NFATC4: variants seen among roughly 807,000 people sequenced by gnomAD.
NFATC4 encodes the protein nuclear factor of activated T cells 4, also known as nuclear factor of activated T-cells, cytoplasmic 4.
A neutral mutation model predicts 73.4 loss-of-function variants in NFATC4; 25 were observed. The ratio of observed to expected loss-of-function variants is 0.34; its 90% CI spans 0.25 to 0.48. The LOEUF (loss-of-function observed/expected upper bound fraction) is 0.48, where lower values mean the gene tolerates loss of function less well. NFATC4 is among the 20% of genes least tolerant of loss of function. NFATC4 has a pLI of 0.99. For synonymous variants in NFATC4, 523 were observed against 510.3 expected (o/e 1.02, Z -0.34); for missense variants, 1,130 against 1,203.7 (o/e 0.94, Z 0.91).
intron 6 of NFATC4, 129 bp downstream of exon 6, chr14:24,374,595 G>C (rs976127928): frequency 3.5e-6 from 3 of 859,202 alleles, no homozygotes; most frequent in Non-Finnish European, 5.3e-6. Flanking sequence ...GGGACAGACA[G>C]ACTACCCTTT....
chr14:24,370,717 C>G, intron 2 of NFATC4, 123 bp downstream of exon 2: 6 of 1,341,110 alleles, frequency 4.5e-6, no homozygotes, highest in Non-Finnish European at 6.0e-6. Context: ...GTATCTGCAA[C>G]CAGCTCAGCA....
Position 24,368,231 on chromosome 14 carries a change from G to A in NFATC4, c.-110G>A. The A allele has an allele frequency of 1.5e-6, 2 of 1,323,086 alleles. No individual in the cohort carries two copies. The highest frequency in any genetic ancestry group is 1.9e-6 in the Non-Finnish European group (2 of 1,033,300). 82.0% of individuals were successfully genotyped at this position (1,323,086 alleles called of 1,614,324 possible). ...GGAGGGAGGCGGCAGCGACGGAGGA[G>A]GGGGCTTCTCAGAGAAAGGGAGGGA... On this transcript the variant is annotated 5_prime_UTR_variant, in exon 1 of 10. Transcript: ENST00000250373.
intron 6 of NFATC4, chr14:24,374,856 G>C (rs1381800467): frequency 1.2e-5 from 2 of 162,076 alleles, no homozygotes; most frequent in South Asian, 3.6e-4. Flanking sequence ...CCAAGATGGA[G>C]CTACAGGAGT....
chr14:24,367,155 T>C, upstream of NFATC4: 1 of 1,612,796 alleles, frequency 6.2e-7, no homozygotes, highest in African/African-American at 1.3e-5. Flanking sequence ...AACCCAGGCC[T>C]CTCCAAGCCT....
rs2042528055 is a variant in NFATC4, at chr14:24,373,467, T to C, written c.1559+97T>C. 1.4e-6 allele frequency: 2 copies of C among 1,463,780 alleles called. No homozygotes were observed. The highest frequency in any genetic ancestry group is 2.0e-5 in the Admixed American group (1 of 51,184). 90.7% of individuals were successfully genotyped at this position (1,463,780 alleles called of 1,614,324 possible). A position where few individuals can be genotyped will look rare whatever the true frequency, so the allele number is the denominator to read the frequency against. On this transcript the variant is annotated intron_variant, in intron 4 of 9. Coordinates refer to ENST00000250373, the MANE Select transcript of NFATC4 (RefSeq NM_004554.5). This position sits in a 1 kb window ranked among gnomAD's most constrained non-coding sequence, Gnocchi z 4.7. ...CACTTCTTCCTTTTCCCAGAAGAGG[T>C]AGACATTTTTCCTAGGAGCTGGCTT...
chr14:24,368,316 G>A lies in NFATC4; in HGVS notation c.-25G>A. 7.2e-7 allele frequency: 1 copy of A among 1,388,308 alleles called. No individual in the cohort carries two copies. Among genetic ancestry groups the A allele is most frequent in the Non-Finnish European group, 9.3e-7 (1 of 1,072,430 alleles). 86.0% of individuals were successfully genotyped at this position (1,388,308 alleles called of 1,614,324 possible). On this transcript the variant is annotated 5_prime_UTR_variant, in exon 1 of 10. Coordinates refer to ENST00000250373, the MANE Select transcript of NFATC4 (RefSeq NM_004554.5). ...GAACTCCCCCCTCCCACCCAGGCCG[G>A]GACCTGGGGGCTCCTGCCGGATCCA... is the stretch of plus-strand genomic sequence containing the variant.
chr14:24,367,211 C>T, upstream of NFATC4: 1 of 1,613,872 alleles, frequency 6.2e-7, no homozygotes, highest in Non-Finnish European at 8.5e-7. Context: ...CTCCTCCAGC[C>T]CAGGTGACAG....
chr14:24,371,857 T>C (rs2042481318), intron 2 of NFATC4: 1 of 152,380 alleles, frequency 6.6e-6, no homozygotes, highest in Non-Finnish European at 1.5e-5. Context: ...GCTTTTTGTA[T>C]TTTTTGTAGA....
At chr14:24,368,051 A>G (rs1041693475), upstream of NFATC4, 140 of 1,006,882 alleles carry the variant, frequency 1.4e-4, no homozygotes, top group African/African-American at 9.4e-4. Context: ...AGGGTGGGGG[A>G]GGACGAGGGG....
intron 6 of NFATC4, 85 bp downstream of exon 6, chr14:24,374,551 G>T: frequency 7.4e-7 from 1 of 1,344,584 alleles, no homozygotes. Flanking sequence ...CACTAAACTG[G>T]CCAGTGGAGC....
chr14:24,370,496 A>C lies in NFATC4; in HGVS notation c.1098A>C (p.Gly366=), dbSNP rs751998990. ...LGAEESVAPP[G]GSRKEVAGMD... ...CAGAGGAGTCTGTGGCTCCTCCAGG[A>C]GGTTCCCGGAAGGAGGTGGCTGGCA... is the stretch of plus-strand genomic sequence containing the variant. Residue 366 remains glycine, a synonymous_variant, in exon 2 of 10, where the codon GGA becomes GGC. Transcript: ENST00000250373. 3 of 1,614,126 alleles carry C rather than the reference A, an allele frequency of 1.9e-6. No homozygotes were observed. The highest frequency in any genetic ancestry group is 2.5e-6 in the Non-Finnish European group (3 of 1,180,016).
At chr14:24,372,689 A>C in intron 3 of NFATC4, 86 bp downstream of exon 3, 1 of 1,539,112 alleles carries the variant, frequency 6.5e-7, no homozygotes, top group Non-Finnish European at 8.9e-7. Flanking sequence ...GCCCTTTCCC[A>C]CACTCCCTCT....
At position 24,371,454 on chromosome 14, in the gene NFATC4, A is replaced by G. The variant is rs1235809111; in HGVS notation, c.1196+860A>G. Among the ~76,000 whole-genome samples the G allele has an allele frequency of 2.0e-5, 3 of 152,184 alleles. No homozygotes were observed. The East Asian group carries it at 5.8e-4, about 29-fold the overall frequency. On this transcript the variant is annotated intron_variant, in intron 2 of 9. Transcript: ENST00000250373. ...ACTCCCCTAGTTGGGAAAACCAAAA[A>G]TGTCTTCAGACATTGCCAAATATCT...
intron 1 of NFATC4, among the ~76,000 whole-genome samples, chr14:24,368,712 C>T (rs2042375086): frequency 6.6e-6 from 1 of 150,566 alleles, no homozygotes; most frequent in African/African-American, 2.5e-5. Flanking sequence ...GGGGGGCGGG[C>T]GGGAACTACG....
At chr14:24,368,167 A>G, upstream of NFATC4, 4 of 1,246,948 alleles carry the variant, frequency 3.2e-6, no homozygotes, top group Non-Finnish European at 4.0e-6. Flanking sequence ...TTGGGGGAAA[A>G]AAGTTTGGAA....
upstream of NFATC4, chr14:24,366,963 C>A (rs372368047): frequency 5.8e-6 from 9 of 1,562,028 alleles, no homozygotes; most frequent in East Asian, 1.1e-4. Flanking sequence ...TGGGATGGGG[C>A]GGCGTTGGGG....
chr14:24,372,550 G>C lies in NFATC4; in HGVS notation c.1306G>C (p.Glu436Gln). 6.2e-7 allele frequency: 1 copy of C among 1,614,120 alleles called. No individual in the cohort carries two copies. Among genetic ancestry groups the C allele is most frequent in the Non-Finnish European group, 8.5e-7 (1 of 1,180,038 alleles). The change falls in exon 3 of 10, where the codon GAA (glutamate) becomes CAA (glutamine). Residue 436 changes from glutamate to glutamine, a missense_variant. Around this residue, in one of 3 missense-constraint regions of NFATC4, gnomAD observed 155 missense variants for 221.2 expected, o/e 0.70. Transcript: ENST00000250373. Reference sequence around the variant, plus strand: ...CCACCACCGGGCCCACTATGAGACAGAAGGCAGCCGTGGAGCTGTCAAAGC... The same window carrying C: ...CCACCACCGGGCCCACTATGAGACACAAGGCAGCCGTGGAGCTGTCAAAGC... ...RAHHRAHYET[E>Q]GSRGAVKAAP... is the part of the protein sequence containing the mutation.
rs1175032155 is a variant in NFATC4, at chr14:24,376,735, A to T, written c.2498A>T (p.His833Leu). The change falls in exon 9 of 10, where the codon CAT becomes CTT. Residue 833 changes from histidine (H) to leucine (L), a missense_variant. By Grantham distance (99) the His-to-Leu change is moderately conservative. Around this residue, in one of 3 missense-constraint regions of NFATC4, gnomAD observed 390 missense variants for 408.1 expected, o/e 0.96. Transcript: ENST00000250373. The surrounding 1 kb of genome is among the most constrained non-coding windows in gnomAD (Gnocchi z 5.0). ...CCCTTCCCTTCCCAGAGTGATGTGC[A>T]TCCCCTACCTGCTGAGGGATACAAT... ...EGPFPSQSDV[H>L]PLPAEGYNKV... 2 of 1,613,856 alleles carry T rather than the reference A, an allele frequency of 1.2e-6. No homozygotes were observed. Among genetic ancestry groups the T allele is most frequent in the South Asian group, 2.2e-5 (2 of 91,064 alleles).
In NFATC4 at chr14:24,369,845, A is replaced by G. The variant is rs1199161460; in HGVS notation, c.447A>G (p.Pro149=). The change falls in exon 2 of 10, where the codon CCA becomes CCG. Residue 149 remains proline, a synonymous_variant. Coordinates refer to ENST00000250373, the MANE Select transcript of NFATC4 (RefSeq NM_004554.5). The part of the protein sequence containing the change: ...GDGSPRDYPP[P]EGFGGYREAG... The stretch of plus-strand genomic sequence containing the variant: ...GCTCTCCTAGAGATTACCCCCCACC[A>G]GAAGGCTTTGGGGGCTACAGAGAAG... The G allele has an allele frequency of 6.2e-7, 1 of 1,607,630 alleles. No homozygotes were observed. Among genetic ancestry groups the G allele is most frequent in the South Asian group, 1.1e-5 (1 of 90,442 alleles).
Sources: gnomAD v4.1 joint callset for allele counts (sites outside exome capture counted in the v4.1 genomes callset) on GRCh38, gnomAD v4.1.1 for gene constraint, gnomAD v4.1.1 regional missense constraint, Gnocchi (gnomAD v3.1) non-coding constraint, MANE v1.5 for transcripts, NCBI Gene and HGNC (gene_info 2026-07-23, HGNC 2026-07-21) for gene names.